Variants in SOX5 observed in about 807,000 individuals in gnomAD.
SOX5 encodes the protein transcription factor SOX-5.
In SOX5, 9 loss-of-function variants were observed where a neutral mutation model predicts 92.0. That is an observed-to-expected ratio of 0.10 (90% CI 0.06 to 0.17). The LOEUF is 0.17. SOX5 is among the 10% of genes least tolerant of loss of function. SOX5 has a pLI of 1.00. For missense variants in SOX5, 642 were observed against 944.5 expected, an observed-to-expected ratio of 0.68 and a Z score of 4.20; for synonymous variants, 344 against 336.3, an observed-to-expected ratio of 1.02 and a Z score of -0.25.
chr12:24,431,599 A>G (rs1485612800), intron 1 of SOX5, among the ~76,000 whole-genome samples: 1 of 152,210 alleles, frequency 6.6e-6, no homozygotes, highest in Non-Finnish European at 1.5e-5. Context: ...AACACAGTTT[A>G]AAGTGTGCAA....
intron 4 of SOX5, among the ~76,000 whole-genome samples, chr12:24,086,784 C>T (rs567947807): frequency 6.6e-6 from 1 of 151,958 alleles, no homozygotes; most frequent in Non-Finnish European, 1.5e-5. Flanking sequence ...TTAGTCGTTA[C>T]ATATAAACCC....
chr12:23,964,555 A>G (rs1947323679), intron 4 of SOX5, among the ~76,000 whole-genome samples: 1 of 152,204 alleles, frequency 6.6e-6, no homozygotes, highest in South Asian at 2.1e-4. Flanking sequence ...AGTTAATATA[A>G]TATCGTCCTA....
intron 8 of SOX5, among the ~76,000 whole-genome samples, chr12:23,637,199 T>C (rs753882379): frequency 2.6e-5 from 4 of 152,228 alleles, no homozygotes; most frequent in Admixed American, 6.5e-5. Context: ...CCACTAGTTC[T>C]TTGGCAAGGC....
At chr12:24,441,836 C>T (rs1437767910) in intron 1 of SOX5, among the ~76,000 whole-genome samples, 1 of 152,070 alleles carries the variant, frequency 6.6e-6, no homozygotes, top group African/African-American at 2.4e-5. Flanking sequence ...GTTGGAACGG[C>T]ACTCTGCATG....
At chr12:24,522,468 A>T (rs1439773652) in intron 1 of SOX5, among the ~76,000 whole-genome samples, 5 of 152,152 alleles carry the variant, frequency 3.3e-5, no homozygotes, top group African/African-American at 1.2e-4. Context: ...TCACAACACC[A>T]CAAGAAAAGA....
intron 2 of SOX5, among the ~76,000 whole-genome samples, chr12:23,879,619 G>T: frequency 6.6e-6 from 1 of 152,106 alleles, no homozygotes; most frequent in Admixed American, 6.6e-5. Context: ...ATTAATGTAT[G>T]TTTTCTTTTT....
intron 3 of SOX5, among the ~76,000 whole-genome samples, chr12:23,784,379 C>T (rs558872906): frequency 1.6e-4 from 25 of 152,052 alleles, no homozygotes; most frequent in South Asian, 1.5e-3. Flanking sequence ...CAGGCTGGAG[C>T]GCAGTGGCAT....
intron 2 of SOX5, among the ~76,000 whole-genome samples, chr12:24,365,726 G>C (rs1336459685): frequency 6.9e-6 from 1 of 143,890 alleles, no homozygotes; most frequent in Non-Finnish European, 1.6e-5. Context: ...GATACATATA[G>C]ACACAGGCTT....
chr12:24,226,903 C>T (rs1277182475), intron 3 of SOX5, among the ~76,000 whole-genome samples: 1 of 152,134 alleles, frequency 6.6e-6, no homozygotes, highest in African/African-American at 2.4e-5. Flanking sequence ...CTGGATCCAA[C>T]AGCAGTCTGA....
intron 1 of SOX5, among the ~76,000 whole-genome samples, chr12:24,381,557 G>A (rs577710): frequency 0.62 from 93,878 of 152,032 alleles, 29,150 homozygotes; most frequent in Middle Eastern, 0.66. Flanking sequence ...GTGAGAGCAT[G>A]TTTTTCTAAA....
At chr12:23,900,655 G>A (rs2097220667) in intron 1 of SOX5, among the ~76,000 whole-genome samples, 1 of 152,110 alleles carries the variant, frequency 6.6e-6, no homozygotes, top group Non-Finnish European at 1.5e-5. Flanking sequence ...AGTCAATGTT[G>A]CAAATAATTT....
chr12:24,095,090 A>AACACACACAC (rs150030739), intron 4 of SOX5, among the ~76,000 whole-genome samples: 15,253 of 131,052 alleles, frequency 0.12, 1,069 homozygotes, highest in Non-Finnish European at 0.15. Context: ...CTAGCCCCGA[A>AACACACACAC]ACACACACAC....
intron 4 of SOX5, among the ~76,000 whole-genome samples, chr12:24,074,549 G>A (rs116459480): frequency 0.013 from 1,730 of 135,180 alleles, 31 homozygotes; most frequent in African/African-American, 0.043. Context: ...TACCCAAACA[G>A]TACATCAGTC....
chr12:24,550,646 T>G (rs1953065342), intron 1 of SOX5, among the ~76,000 whole-genome samples: 1 of 152,210 alleles, frequency 6.6e-6, no homozygotes. Context: ...AACTTGATTT[T>G]TAAGAGTTAA....
In SOX5 at chr12:24,015,105, T is replaced by C. The variant is rs552464412; in HGVS notation, c.-1-119081A>G. Among the ~76,000 whole-genome samples the C allele has an allele frequency of 2.0e-3, 299 of 152,136 alleles. 3 individuals carry two copies. Among genetic ancestry groups the C allele is most frequent in the African/African-American group, 7.0e-3 (289 of 41,506 alleles). On this transcript the variant is annotated intron_variant, in intron 4 of 4. Transcript: ENST00000446891. ...CTCTTTCTCTTTCTGTCTCTCTCTC[T>C]CTCTTTCTCTCTCTCCCTTTTTTCC...
chr12:23,956,459 G>T (rs1946291196), intron 4 of SOX5, among the ~76,000 whole-genome samples: 1 of 152,090 alleles, frequency 6.6e-6, no homozygotes, highest in Non-Finnish European at 1.5e-5. Context: ...TGTGAACTGT[G>T]CATGTGAGGG....
chr12:23,993,326 C>A (rs911733528), intron 4 of SOX5, among the ~76,000 whole-genome samples: 2 of 152,026 alleles, frequency 1.3e-5, no homozygotes, highest in African/African-American at 4.8e-5. Context: ...TTTGGTAAAT[C>A]GGAGTATTAA....
At chr12:23,876,370 G>GA (rs1206082883) in intron 2 of SOX5, among the ~76,000 whole-genome samples, 1 of 152,050 alleles carries the variant, frequency 6.6e-6, no homozygotes, top group Non-Finnish European at 1.5e-5. Flanking sequence ...ATAAACATAT[G>GA]AAAAAAAGCT....
At chr12:24,110,088 T>A (rs1947141970) in intron 4 of SOX5, among the ~76,000 whole-genome samples, 1 of 152,214 alleles carries the variant, frequency 6.6e-6, no homozygotes. Flanking sequence ...CTTTACTGCA[T>A]CCCTTTGCCT....
Sources: allele counts gnomAD v4.1 joint callset (sites outside exome capture counted in the v4.1 genomes callset), GRCh38; gene constraint gnomAD v4.1.1; transcripts MANE v1.5; gene names NCBI Gene and HGNC (gene_info 2026-07-23, HGNC 2026-07-21).